TMCC1: variants seen among roughly 807,000 people sequenced by gnomAD.
The protein encoded by TMCC1 is transmembrane and coiled-coil domain family 1.
Under a neutral mutation model 52.4 loss-of-function variants are expected in TMCC1, and 15 were observed. The ratio of observed to expected loss-of-function variants is 0.29; its 90% CI spans 0.19 to 0.44. The LOEUF is 0.44. TMCC1 is among the 20% of genes least tolerant of loss of function. The probability of loss-of-function intolerance (pLI) is 1.00; values close to 1 mark genes in which losing one functional copy is unlikely to be tolerated. For missense variants in TMCC1, 503 were observed against 806.0 expected (o/e 0.62, Z 4.55); for synonymous variants, 279 against 301.9 (o/e 0.92, Z 0.79).
intron 4 of TMCC1, among the ~76,000 whole-genome samples, chr3:129,816,900 A>G (rs2058124832): frequency 6.6e-6 from 1 of 151,988 alleles, no homozygotes; most frequent in Non-Finnish European, 1.5e-5. Context: ...GTGACGGTGC[A>G]CACCTGTAGT....
intron 4 of TMCC1, among the ~76,000 whole-genome samples, chr3:129,737,481 G>GAA (rs747077023): frequency 3.6e-5 from 5 of 137,022 alleles, no homozygotes; most frequent in Non-Finnish European, 8.0e-5. Context: ...CTCCATCTCA[G>GAA]AAAAAAAAAA....
At chr3:129,823,822 GCTATT>G (rs569321390) in intron 4 of TMCC1, among the ~76,000 whole-genome samples, 151 of 152,178 alleles carry the variant, frequency 9.9e-4, no homozygotes, top group African/African-American at 3.4e-3. Flanking sequence ...AAGATTCAAA[GCTATT>G]GATAAAGTAC....
chr3:129,728,555 A>AT (rs2050289506), intron 4 of TMCC1, among the ~76,000 whole-genome samples: 1 of 152,202 alleles, frequency 6.6e-6, no homozygotes, highest in African/African-American at 2.4e-5. Flanking sequence ...AAGCACTGGG[A>AT]TTACAGGTGT....
intron 2 of TMCC1, among the ~76,000 whole-genome samples, chr3:129,844,506 GT>G (rs879332362): frequency 2.6e-5 from 4 of 151,934 alleles, no homozygotes; most frequent in Admixed American, 2.0e-4. Context: ...AACATTCGGT[GT>G]TTTTTTTCTT....
chr3:129,778,139 C>T (rs1180280060), intron 4 of TMCC1, among the ~76,000 whole-genome samples: 1 of 152,204 alleles, frequency 6.6e-6, no homozygotes, highest in Non-Finnish European at 1.5e-5. Context: ...GGGCTAAAGA[C>T]CTTCTGCCAG....
intron 6 of TMCC1, among the ~76,000 whole-genome samples, chr3:129,653,298 T>C (rs1212398739): frequency 1.3e-5 from 2 of 152,242 alleles, no homozygotes; most frequent in Non-Finnish European, 2.9e-5. Flanking sequence ...ACACACTACC[T>C]GGTGTTTTCT....
At chr3:129,756,903 G>C (rs1180885238) in intron 4 of TMCC1, among the ~76,000 whole-genome samples, 1 of 152,200 alleles carries the variant, frequency 6.6e-6, no homozygotes, top group Non-Finnish European at 1.5e-5. Context: ...GAGTTGTTGT[G>C]TATGGTACTA....
intron 4 of TMCC1, among the ~76,000 whole-genome samples, chr3:129,781,217 C>T (rs184345549): frequency 1.0e-3 from 157 of 152,272 alleles, no homozygotes; most frequent in African/African-American, 3.4e-3. Flanking sequence ...TCAAACACCT[C>T]CATTCATTTT....
chr3:129,794,191 C>T (rs2056659523), intron 4 of TMCC1: 2 of 389,316 alleles, frequency 5.1e-6, no homozygotes, highest in African/African-American at 2.1e-5. Context: ...GAACAAAAGG[C>T]AGTGCTTCCT....
intron 4 of TMCC1, among the ~76,000 whole-genome samples, chr3:129,696,045 G>A (rs927561001): frequency 2.0e-5 from 3 of 152,088 alleles, no homozygotes; most frequent in Non-Finnish European, 4.4e-5. Flanking sequence ...GCTTTGTAGG[G>A]GTAAAATCTG....
intron 4 of TMCC1, among the ~76,000 whole-genome samples, chr3:129,756,423 CT>C (rs201649588): frequency 6.6e-6 from 1 of 151,182 alleles, no homozygotes; most frequent in Non-Finnish European, 1.5e-5. Flanking sequence ...ATTTGTTTTG[CT>C]TTTTTTTTGA....
Position 129,653,682 on chromosome 3 carries a change from C to T in TMCC1, c.1647+1286G>A, listed in dbSNP as rs186015107. 3.3e-3 allele frequency among the ~76,000 whole-genome samples: 506 copies of T among 152,162 alleles called. 9 individuals are homozygous for T. The highest frequency in any genetic ancestry group is 4.9e-3 in the Non-Finnish European group (335 of 67,992). ...CTTGATCTCCTGACCTTGTGATCCG[C>T]CCGCCTCGGCCTCCCAAAATCCCAA... On this transcript the variant is annotated intron_variant, in intron 6 of 6. Transcript: ENST00000393238.
intron 4 of TMCC1, among the ~76,000 whole-genome samples, chr3:129,725,414 G>A (rs1022064675): frequency 2.6e-5 from 4 of 151,828 alleles, no homozygotes; most frequent in African/African-American, 9.7e-5. Context: ...CGGCCTAATC[G>A]TACAATTTCT....
intron 4 of TMCC1, among the ~76,000 whole-genome samples, chr3:129,777,024 G>A (rs1315194018): frequency 6.6e-6 from 1 of 152,108 alleles, no homozygotes; most frequent in Non-Finnish European, 1.5e-5. Context: ...CGTATTGTTT[G>A]CCATGTACCA....
intron 4 of TMCC1, among the ~76,000 whole-genome samples, chr3:129,734,037 A>G (rs1304928807): frequency 1.3e-5 from 2 of 152,348 alleles, no homozygotes; most frequent in East Asian, 1.9e-4. Context: ...TGTATAACCC[A>G]GTAAATCCAT....
Position 129,828,151 on chromosome 3 carries a change from A to T in TMCC1, c.228T>A (p.Asp76Glu). 1 of 1,614,134 alleles carries T rather than the reference A, an allele frequency of 6.2e-7. No individual in the cohort carries two copies. The change falls in exon 4 of 7, where the codon GAT (aspartate) becomes GAA (glutamate). Residue 76 changes from aspartate (D) to glutamate (E), a missense_variant. Physicochemically the swap from Asp to Glu is conservative, Grantham distance 45. Transcript: ENST00000393238. This position sits in a 1 kb window ranked among gnomAD's most constrained non-coding sequence, Gnocchi z 4.1. Reference protein sequence around the residue: ...SPHDVQQIQADPEPEMDLESQ... With the variant: ...SPHDVQQIQAEPEPEMDLESQ... The stretch of plus-strand genomic sequence containing the variant: ...TTTCCAGATCCATTTCAGGTTCTGG[A>T]TCTGCCTGAATTTGCTGCACATCAT...
At chr3:129,674,386 T>C (rs1310981987) in intron 4 of TMCC1, among the ~76,000 whole-genome samples, 2 of 152,100 alleles carry the variant, frequency 1.3e-5, no homozygotes, top group Admixed American at 6.6e-5. Flanking sequence ...AACTAACCCA[T>C]AGCTTCAGCA....
intron 4 of TMCC1, among the ~76,000 whole-genome samples, chr3:129,705,334 C>T (rs2048142153): frequency 6.6e-6 from 1 of 152,018 alleles, no homozygotes; most frequent in South Asian, 2.1e-4. Context: ...CCTCTCAAGT[C>T]TTTGTGACAA....
chr3:129,765,889 G>A (rs913880366), intron 4 of TMCC1, among the ~76,000 whole-genome samples: 4 of 151,964 alleles, frequency 2.6e-5, no homozygotes, highest in African/African-American at 4.8e-5. Flanking sequence ...GGAGGGTGGC[G>A]GAGGGAGGGA....
Sources: allele counts gnomAD v4.1 joint callset (sites outside exome capture counted in the v4.1 genomes callset), GRCh38; gene constraint gnomAD v4.1.1; non-coding constraint Gnocchi (gnomAD v3.1); transcripts MANE v1.5; gene names NCBI Gene and HGNC (gene_info 2026-07-23, HGNC 2026-07-21).